Variants in SLC39A11 observed in about 807,000 individuals in gnomAD.
SLC39A11 encodes the protein solute carrier family 39 member 11.
Under a neutral mutation model 36.1 loss-of-function variants are expected in SLC39A11, and 33 were observed. The observed-to-expected ratio is 0.91, with a 90% CI of 0.69 to 1.22. The LOEUF (loss-of-function observed/expected upper bound fraction) is 1.22. SLC39A11 is among the 50% of genes most tolerant of loss of function. SLC39A11 has a pLI of 0.00. For missense variants in SLC39A11, 432 were observed against 430.3 expected, an observed-to-expected ratio of 1.00 and a Z score of -0.03; for synonymous variants, 166 against 170.3, an observed-to-expected ratio of 0.97 and a Z score of 0.20.
rs537836979 is a variant in SLC39A11 at position 72,746,546 on chromosome 17, C to T, written c.602-9827G>A. Among the ~76,000 whole-genome samples, 174 of 152,074 alleles carry T rather than the reference C, an allele frequency of 1.1e-3. No individual in the cohort carries two copies. The Middle Eastern group carries it at 0.024, about 21-fold the overall frequency. ...TGGGTGGATCATGAGGTCAGGAGAT[C>T]GAGACCACAGTGAAACCCCATCTCT... is the stretch of plus-strand genomic sequence containing the variant. On this transcript the variant is annotated intron_variant, in intron 6 of 9. Coordinates refer to ENST00000255559, the MANE Select transcript of SLC39A11 (RefSeq NM_139177.4).
At chr17:72,659,021 T>C (rs570231573) in intron 7 of SLC39A11, among the ~76,000 whole-genome samples, 2 of 152,288 alleles carry the variant, frequency 1.3e-5, no homozygotes, top group South Asian at 4.1e-4. Flanking sequence ...TGCCTTAGCC[T>C]TCTCAATTAT....
intron 6 of SLC39A11, among the ~76,000 whole-genome samples, chr17:72,830,321 G>A (rs1357791286): frequency 7.3e-6 from 1 of 137,630 alleles, no homozygotes; most frequent in African/African-American, 2.6e-5. Flanking sequence ...CCTTGAAGAT[G>A]ACTGTGTATT....
At chr17:72,964,862 T>C (rs987411191) in intron 4 of SLC39A11, among the ~76,000 whole-genome samples, 12 of 152,136 alleles carry the variant, frequency 7.9e-5, no homozygotes, top group Non-Finnish European at 1.3e-4. Context: ...CAAATGTCCA[T>C]CAATGATAGA....
intron 5 of SLC39A11, among the ~76,000 whole-genome samples, chr17:72,922,984 AAAAAAAC>A (rs1190175149): frequency 2.7e-5 from 4 of 149,252 alleles, no homozygotes; most frequent in African/African-American, 4.9e-5. Context: ...AAAAAAAAAA[AAAAAAAC>A]ACACAGAAAA....
At chr17:72,809,783 G>A (rs745373488) in intron 6 of SLC39A11, among the ~76,000 whole-genome samples, 8 of 152,058 alleles carry the variant, frequency 5.3e-5, no homozygotes, top group African/African-American at 9.7e-5. Context: ...AATTGAAAAC[G>A]AAGAGTTTGG....
intron 5 of SLC39A11, among the ~76,000 whole-genome samples, chr17:72,919,627 G>A (rs140315385): frequency 8.1e-5 from 12 of 147,878 alleles, no homozygotes; most frequent in African/African-American, 2.8e-4. Context: ...AGCCGAGATC[G>A]TGCCACCGCA....
At chr17:72,764,877 C>A (rs939335751) in intron 6 of SLC39A11, among the ~76,000 whole-genome samples, 9 of 152,196 alleles carry the variant, frequency 5.9e-5, no homozygotes, top group Non-Finnish European at 1.3e-4. Flanking sequence ...GTAGACCAAT[C>A]TGAAACCACC....
chr17:72,993,684 T>C (rs1441641641), intron 4 of SLC39A11, among the ~76,000 whole-genome samples: 1 of 152,240 alleles, frequency 6.6e-6, no homozygotes, highest in Non-Finnish European at 1.5e-5. Context: ...CCGTTGATTC[T>C]GTACAGCTAT....
At chr17:73,063,377 C>T (rs1031367548) in intron 3 of SLC39A11, among the ~76,000 whole-genome samples, 2 of 152,144 alleles carry the variant, frequency 1.3e-5, no homozygotes, top group Admixed American at 6.6e-5. Context: ...ATGTATCTTT[C>T]ACTCTTATAA....
chr17:72,672,349 T>A (rs1297144390), intron 7 of SLC39A11, among the ~76,000 whole-genome samples: 1 of 152,140 alleles, frequency 6.6e-6, no homozygotes, highest in Non-Finnish European at 1.5e-5. Flanking sequence ...TTTGGGAGGT[T>A]GAGGCATGAA....
At chr17:72,885,422 T>C (rs2081395263) in intron 5 of SLC39A11, among the ~76,000 whole-genome samples, 1 of 152,172 alleles carries the variant, frequency 6.6e-6, no homozygotes, top group Non-Finnish European at 1.5e-5. Flanking sequence ...AATCACCTAG[T>C]TCCCACCTAG....
At chr17:73,061,221 G>A (rs993609718) in intron 3 of SLC39A11, among the ~76,000 whole-genome samples, 2 of 152,088 alleles carry the variant, frequency 1.3e-5, no homozygotes, top group Admixed American at 1.3e-4. Flanking sequence ...TTAGCCGGGA[G>A]TGGTAGCAGG....
At chr17:72,729,646 C>A (rs2074135616) in intron 7 of SLC39A11, among the ~76,000 whole-genome samples, 1 of 149,562 alleles carries the variant, frequency 6.7e-6, no homozygotes, top group Non-Finnish European at 1.5e-5. Flanking sequence ...AAAATTCTAT[C>A]TCAGTCATAT....
intron 5 of SLC39A11, among the ~76,000 whole-genome samples, chr17:72,924,016 G>A (rs569205761): frequency 3.3e-5 from 5 of 151,794 alleles, no homozygotes; most frequent in Admixed American, 6.6e-5. Context: ...GCACAGTGGC[G>A]TGTGCCTGTA....
rs35812666 is a variant in SLC39A11, at chr17:72,894,499, T to TAAA, written c.431-44698_431-44696dup. 4.6e-4 allele frequency among the ~76,000 whole-genome samples: 51 copies of TAAA among 110,524 alleles called. 1 individual carries two copies. The highest frequency in any genetic ancestry group is 5.0e-3 in the Middle Eastern group (1 of 200). The allele number at this position is 110,524 out of a possible 152,430, so 72.5% of individuals were successfully genotyped here. On this transcript the variant is annotated intron_variant, in intron 5 of 9. Coordinates refer to ENST00000255559, the MANE Select transcript of SLC39A11 (RefSeq NM_139177.4). The stretch of plus-strand genomic sequence containing the variant: ...TAACATGGTGAAACCTCATCCCTAC[T>TAAA]AAAAAAAAAAAAAAAAAAAAATTAG...
intron 3 of SLC39A11, among the ~76,000 whole-genome samples, chr17:73,056,376 C>T (rs977382959): frequency 3.9e-5 from 6 of 152,130 alleles, no homozygotes; most frequent in African/African-American, 1.4e-4. Flanking sequence ...ACCATGTTGG[C>T]CAGGCTGGTC....
chr17:72,760,088 G>A (rs576244949), intron 6 of SLC39A11, among the ~76,000 whole-genome samples: 3 of 152,282 alleles, frequency 2.0e-5, no homozygotes, highest in South Asian at 4.1e-4. Flanking sequence ...GTGCAGTGGT[G>A]CAATCTCGGC....
At chr17:72,855,974 T>C (rs1598129743) in intron 5 of SLC39A11, among the ~76,000 whole-genome samples, 1 of 152,318 alleles carries the variant, frequency 6.6e-6, no homozygotes, top group East Asian at 1.9e-4. Context: ...ATCAGTCTAG[T>C]TTCAGGTAAC....
intron 5 of SLC39A11, among the ~76,000 whole-genome samples, chr17:72,859,163 T>G (rs375676923): frequency 4.6e-5 from 7 of 152,324 alleles, no homozygotes; most frequent in East Asian, 1.9e-4. Context: ...AGAGCTTCTC[T>G]AATCTTCTTT....
Sources: gnomAD v4.1 joint callset for allele counts (sites outside exome capture counted in the v4.1 genomes callset) on GRCh38, gnomAD v4.1.1 for gene constraint, MANE v1.5 for transcripts, NCBI Gene and HGNC (gene_info 2026-07-23, HGNC 2026-07-21) for gene names.